Variants in TRAPPC9 observed in about 807,000 individuals in gnomAD.
The protein encoded by TRAPPC9 is trafficking protein particle complex subunit 9, also known as IKK2 binding protein.
In TRAPPC9, 83 loss-of-function variants were observed where a neutral mutation model predicts 124.0. The observed-to-expected ratio is 0.67, with a 90% confidence interval of 0.56 to 0.80. The LOEUF (loss-of-function observed/expected upper bound fraction) is 0.80. Among genes scored for constraint, TRAPPC9 ranks in the 30% least tolerant of loss-of-function variants. The probability of loss-of-function intolerance (pLI) is 0.00; values close to 1 mark genes in which losing one functional copy is unlikely to be tolerated. For missense variants in TRAPPC9, 1,302 were observed against 1,508.3 expected, an observed-to-expected ratio of 0.86 and a Z score of 2.27; for synonymous variants, 638 against 617.5, an observed-to-expected ratio of 1.03 and a Z score of -0.49.
intron 20 of TRAPPC9, among the ~76,000 whole-genome samples, chr8:139,898,642 G>A (rs1830817075): frequency 6.6e-6 from 1 of 152,126 alleles, no homozygotes; most frequent in African/African-American, 2.4e-5. Flanking sequence ...ACTCAACTCA[G>A]AGCCACATTC....
chr8:139,970,538 C>T (rs1308809290), intron 19 of TRAPPC9, among the ~76,000 whole-genome samples: 2 of 152,152 alleles, frequency 1.3e-5, no homozygotes, highest in Non-Finnish European at 2.9e-5. Flanking sequence ...CCCCTTCATA[C>T]AGCCTGTCCC....
intron 21 of TRAPPC9, among the ~76,000 whole-genome samples, chr8:139,847,076 C>G (rs1046859789): frequency 6.6e-6 from 1 of 152,228 alleles, no homozygotes; most frequent in Non-Finnish European, 1.5e-5. Context: ...TCCCCAGATG[C>G]AGCAACTGTG....
chr8:139,960,236 C>T (rs1587347892), intron 19 of TRAPPC9, among the ~76,000 whole-genome samples: 2 of 152,110 alleles, frequency 1.3e-5, no homozygotes, highest in African/African-American at 4.8e-5. Flanking sequence ...AGACAATGGC[C>T]TGAGCCCCAT....
intron 21 of TRAPPC9, among the ~76,000 whole-genome samples, chr8:139,767,452 C>G (rs762374807): frequency 2.4e-4 from 36 of 152,174 alleles, no homozygotes; most frequent in African/African-American, 8.7e-4. Flanking sequence ...CCCGTCCTCA[C>G]GAGGGCTCCG....
At chr8:140,324,820 CAAT>C in intron 9 of TRAPPC9, among the ~76,000 whole-genome samples, 1 of 151,862 alleles carries the variant, frequency 6.6e-6, no homozygotes, top group Non-Finnish European at 1.5e-5. Flanking sequence ...GAATAGACAA[CAAT>C]GATAAGGAAG....
At chr8:139,903,538 C>T (rs988356024) in intron 20 of TRAPPC9, among the ~76,000 whole-genome samples, 2 of 152,180 alleles carry the variant, frequency 1.3e-5, no homozygotes, top group Non-Finnish European at 2.9e-5. Context: ...GGTGAGTTGA[C>T]CCTAGGCTTG....
chr8:140,399,899 CAT>C (rs1423484430), intron 6 of TRAPPC9, among the ~76,000 whole-genome samples: 2 of 152,326 alleles, frequency 1.3e-5, no homozygotes, highest in East Asian at 3.9e-4. Context: ...ACAATTCCCA[CAT>C]GTTGTGGGAG....
intron 12 of TRAPPC9, among the ~76,000 whole-genome samples, chr8:140,289,934 C>T (rs539273948): frequency 1.6e-4 from 24 of 152,298 alleles, no homozygotes; most frequent in African/African-American, 5.8e-4. Context: ...GGAAACTATG[C>T]CACGTGCTAG....
intron 21 of TRAPPC9, among the ~76,000 whole-genome samples, chr8:139,843,762 G>A (rs1425024981): frequency 6.6e-6 from 1 of 152,186 alleles, no homozygotes; most frequent in Non-Finnish European, 1.5e-5. Flanking sequence ...CTCCTCAAGG[G>A]CCTCCAGAAG....
At position 140,044,923 on chromosome 8, in the gene TRAPPC9, G is replaced by A. The variant is rs147050990; in HGVS notation, c.2557-20844C>T. Among the ~76,000 whole-genome samples, 407 of 152,294 alleles carry A rather than the reference G, an allele frequency of 2.7e-3. 3 individuals are homozygous for A. Among genetic ancestry groups the A allele is most frequent in the South Asian group, 9.3e-3 (45 of 4,828 alleles). On this transcript the variant is annotated intron_variant, in intron 17 of 22. Transcript: ENST00000438773. ...ACTTACACGCAGTAATATAGTCTAC[G>A]TCAGCTGGAAAAATTAAGCCAAAGG...
At chr8:140,033,657 GGTTTTTTTTTTTTTTTTTTTTTTTTT>G (rs1220271171) in intron 17 of TRAPPC9, among the ~76,000 whole-genome samples, 9 of 49,264 alleles carry the variant, frequency 1.8e-4, no homozygotes, top group African/African-American at 3.8e-4. Flanking sequence ...TTCATAATGT[GGTTTTTTTTTTTTTTTTTTTTTTTTT>G]TTTTTTTTTT....
chr8:140,376,332 A>G (rs1163968862), intron 7 of TRAPPC9, among the ~76,000 whole-genome samples: 2 of 152,004 alleles, frequency 1.3e-5, no homozygotes, highest in Non-Finnish European at 2.9e-5. Flanking sequence ...TGAGGTGGGC[A>G]GATCACAAGG....
intron 21 of TRAPPC9, among the ~76,000 whole-genome samples, chr8:139,828,061 C>A (rs923997360): frequency 1.1e-4 from 16 of 152,148 alleles, no homozygotes; most frequent in African/African-American, 3.6e-4. Flanking sequence ...CAGGCCCCAC[C>A]ACCAACAGTG....
intron 17 of TRAPPC9, among the ~76,000 whole-genome samples, chr8:140,213,184 T>C (rs1351810509): frequency 6.6e-6 from 1 of 152,084 alleles, no homozygotes; most frequent in Non-Finnish European, 1.5e-5. Context: ...TGAGCCCTCA[T>C]GATCTCATAT....
intron 20 of TRAPPC9, among the ~76,000 whole-genome samples, chr8:139,900,845 G>A (rs1002776903): frequency 7.2e-5 from 11 of 152,048 alleles, no homozygotes; most frequent in Non-Finnish European, 1.5e-4. Flanking sequence ...ACCATGACCC[G>A]GTTTGGCATT....
intron 17 of TRAPPC9, among the ~76,000 whole-genome samples, chr8:140,107,057 C>T (rs1346721069): frequency 6.6e-6 from 1 of 152,166 alleles, no homozygotes; most frequent in Non-Finnish European, 1.5e-5. Flanking sequence ...TGTGTCCTTT[C>T]TTTTGAGGGA....
chr8:139,960,846 C>T (rs1835332657), intron 19 of TRAPPC9, among the ~76,000 whole-genome samples: 1 of 125,034 alleles, frequency 8.0e-6, no homozygotes, highest in Non-Finnish European at 1.9e-5. Context: ...GGGGGCTCCA[C>T]AGCAAGTCAC....
chr8:140,142,870 C>G (rs4379425), intron 17 of TRAPPC9, among the ~76,000 whole-genome samples: 116,407 of 152,182 alleles, frequency 0.76, 45,857 homozygotes, highest in African/African-American at 0.95. Flanking sequence ...GAATAAATCA[C>G]AGAGTAAAAG....
intron 18 of TRAPPC9, among the ~76,000 whole-genome samples, chr8:139,992,995 A>C (rs1837737658): frequency 6.6e-6 from 1 of 152,192 alleles, no homozygotes; most frequent in South Asian, 2.1e-4. Flanking sequence ...GGAAAAAAGA[A>C]AGACTTCTCA....
Sources: gnomAD v4.1 joint callset for allele counts (sites outside exome capture counted in the v4.1 genomes callset) on GRCh38, gnomAD v4.1.1 for gene constraint, MANE v1.5 for transcripts, NCBI Gene and HGNC (gene_info 2026-07-23, HGNC 2026-07-21) for gene names.